The following HCK variants were observed in gnomAD, a reference collection of about 807,000 sequenced individuals.
HCK encodes HCK proto-oncogene, Src family tyrosine kinase, also known as tyrosine-protein kinase HCK.
A neutral mutation model predicts 70.4 loss-of-function variants in HCK; 40 were observed. The observed-to-expected ratio is 0.57, with a 90% confidence interval of 0.44 to 0.74. The LOEUF (loss-of-function observed/expected upper bound fraction) is 0.74, where lower values mean the gene tolerates loss of function less well. Ranked by LOEUF, HCK falls within the 30% of genes least tolerant of loss-of-function variation. HCK has a pLI of 0.00. For missense variants in HCK, 568 were observed against 697.2 expected (o/e 0.81, Z 2.09); for synonymous variants, 245 against 263.2 (o/e 0.93, Z 0.67).
At chr20:32,094,705 A>AAAGAAAG (rs1229852866) in intron 11 of HCK, among the ~76,000 whole-genome samples, 6 of 74,910 alleles carry the variant, frequency 8.0e-5, no homozygotes, top group African/African-American at 3.9e-4. Context: ...AAAAGAAAAG[A>AAAGAAAG]AAAGAAAGAA....
intron 10 of HCK, among the ~76,000 whole-genome samples, chr20:32,092,380 A>G (rs965919681): frequency 6.6e-6 from 1 of 152,220 alleles, no homozygotes; most frequent in South Asian, 2.1e-4. Flanking sequence ...TTTGTAAACC[A>G]AAAGTGCTGC....
chr20:32,052,796 G>GGTT (rs1568945704), intron 1 of HCK, among the ~76,000 whole-genome samples: 2 of 110,992 alleles, frequency 1.8e-5, no homozygotes, highest in African/African-American at 1.1e-4. Flanking sequence ...GGGGGGCGGG[G>GGTT]ATTTTTTTTT....
At chr20:32,068,005 AT>A (rs2045484599) in intron 1 of HCK, among the ~76,000 whole-genome samples, 1 of 152,288 alleles carries the variant, frequency 6.6e-6, no homozygotes, top group African/African-American at 2.4e-5. Context: ...TTTTTTAAAA[AT>A]GAAAAATAGG....
At chr20:32,094,745 GAA>G (rs1452751074) in intron 11 of HCK, among the ~76,000 whole-genome samples, 2 of 129,078 alleles carry the variant, frequency 1.5e-5, no homozygotes, top group African/African-American at 5.8e-5. Context: ...AAGAAAGAAA[GAA>G]AGAAAGAAAG....
chr20:32,088,579 G>A lies in HCK; in HGVS notation c.1027G>A (p.Asp343Asn), dbSNP rs1401997824. 1 of 1,613,524 alleles carries A rather than the reference G, an allele frequency of 6.2e-7. No individual in the cohort carries two copies. The highest frequency in any genetic ancestry group is 1.7e-5 in the Admixed American group (1 of 59,864). The change falls in exon 10 of 13, where the codon GAC (aspartate) becomes AAC (asparagine). Residue 343 changes from aspartate to asparagine, a missense_variant. Transcript: ENST00000375852. Reference sequence around the variant, plus strand: ...TCTCCCCCATATAGGAAGCTTGCTGGACTTTCTGAAAAGTGATGAGGGCAG... The same window carrying A: ...TCTCCCCCATATAGGAAGCTTGCTGAACTTTCTGAAAAGTGATGAGGGCAG...
chr20:32,074,726 G>A lies in HCK; in HGVS notation c.428+5G>A, dbSNP rs1392764430. ...TGACTCTCTGGAGACAGAGGAGTAAGTATCCTATTTCCTACCTTCCAGAAA... is the reference window on the plus strand; with the variant it reads ...TGACTCTCTGGAGACAGAGGAGTAAATATCCTATTTCCTACCTTCCAGAAA... On this transcript the variant is annotated splice_donor_5th_base_variant and intron_variant, in intron 5 of 12. Coordinates refer to ENST00000375852, the MANE Select transcript of HCK (RefSeq NM_002110.5). 1.2e-6 allele frequency: 2 copies of A among 1,603,896 alleles called. No homozygotes were observed. Among genetic ancestry groups the A allele is most frequent in the Non-Finnish European group, 1.7e-6 (2 of 1,170,806 alleles).
chr20:32,098,930 G>A (rs2045993601), intron 11 of HCK, 74 bp from the exon 12 acceptor site: 6 of 1,539,242 alleles, frequency 3.9e-6, no homozygotes, highest in East Asian at 2.3e-5. Flanking sequence ...GCCCTTGCCT[G>A]TTCCCCCACC....
chr20:32,089,360 G>A (rs948750395), intron 10 of HCK, among the ~76,000 whole-genome samples: 15 of 152,236 alleles, frequency 9.9e-5, no homozygotes, highest in African/African-American at 3.6e-4. Flanking sequence ...CAGAAGTAAA[G>A]TACAGATGTG....
intron 1 of HCK, among the ~76,000 whole-genome samples, chr20:32,057,912 G>A: frequency 6.6e-6 from 1 of 152,130 alleles, no homozygotes; most frequent in East Asian, 1.9e-4. Context: ...GTGCTTAAGT[G>A]TAAATGTGCC....
At position 32,059,191 on chromosome 20, in the gene HCK, G is replaced by A. The variant is rs562526060; in HGVS notation, c.62+6705G>A. Among the ~76,000 whole-genome samples the A allele has an allele frequency of 1.1e-4, 16 of 152,342 alleles. No individual in the cohort carries two copies. The South Asian group carries it at 3.1e-3, about 30-fold the overall frequency. On this transcript the variant is annotated intron_variant, in intron 1 of 12. Coordinates refer to ENST00000375852, the MANE Select transcript of HCK (RefSeq NM_002110.5). ...GAGGCTGAGGCCAAATGCTGGCAGA[G>A]GATATCTGGGTGGGGAAAGAGGTGG...
intron 5 of HCK, among the ~76,000 whole-genome samples, chr20:32,076,118 T>A (rs2045621019): frequency 6.6e-6 from 1 of 151,976 alleles, no homozygotes; most frequent in South Asian, 2.1e-4. Flanking sequence ...AGGTCAGGAG[T>A]TCGAGACCAG....
chr20:32,071,617 GAGGC>G, intron 1 of HCK, 41 bp from the exon 2 acceptor site: 1 of 1,603,664 alleles, frequency 6.2e-7, no homozygotes, highest in Non-Finnish European at 8.5e-7. Flanking sequence ...TTCCCCGCAT[GAGGC>G]TCTTGGTAAC....
At position 32,099,095 on chromosome 20, in the gene HCK, G is replaced by A; in HGVS notation, c.1338G>A (p.Leu446=). The A allele has an allele frequency of 6.2e-7, 1 of 1,614,142 alleles. No individual in the cohort carries two copies. Among genetic ancestry groups the A allele is most frequent in the East Asian group, 2.2e-5 (1 of 44,872 alleles). ...CAGACGTCTGGTCCTTTGGTATCCT[G>A]CTGATGGAGATCGTCACCTACGGCC... The change falls in exon 12 of 13, where the codon CTG becomes CTA. Residue 446 remains leucine, a synonymous_variant. Transcript: ENST00000375852.
chr20:32,094,790 AAAGAAAGAAAG>A (rs869041353), intron 11 of HCK, among the ~76,000 whole-genome samples: 6 of 13,690 alleles, frequency 4.4e-4, no homozygotes, highest in Non-Finnish European at 1.2e-3. Flanking sequence ...AGAGAAAGAG[AAAGAAAGAAAG>A]AAAGAAAGAA....
intron 1 of HCK, among the ~76,000 whole-genome samples, chr20:32,053,077 C>G (rs2045206166): frequency 1.3e-5 from 2 of 152,176 alleles, no homozygotes; most frequent in African/African-American, 2.4e-5. Flanking sequence ...CTCTTTCCTC[C>G]TTGGACGAAT....
chr20:32,058,701 C>T (rs1203566090), intron 1 of HCK, among the ~76,000 whole-genome samples: 4 of 151,868 alleles, frequency 2.6e-5, no homozygotes, highest in Non-Finnish European at 5.9e-5. Context: ...GAAGCAGACC[C>T]TAGGCAAGGT....
At chr20:32,098,163 T>C (rs1033465612) in intron 11 of HCK, among the ~76,000 whole-genome samples, 2 of 152,108 alleles carry the variant, frequency 1.3e-5, no homozygotes, top group African/African-American at 4.8e-5. Context: ...TTCTCCTGTC[T>C]CAGCCTGTAG....
intron 6 of HCK, among the ~76,000 whole-genome samples, chr20:32,080,267 C>T (rs1443097673): frequency 1.3e-5 from 2 of 152,060 alleles, no homozygotes; most frequent in South Asian, 2.1e-4. Flanking sequence ...GGTGCGATCT[C>T]GGCTCACTGC....
intron 10 of HCK, among the ~76,000 whole-genome samples, chr20:32,090,700 G>A (rs2045852829): frequency 6.6e-6 from 1 of 152,100 alleles, no homozygotes; most frequent in South Asian, 2.1e-4. Context: ...CTATCTGGGG[G>A]TCATGAAATC....
Sources: gnomAD v4.1 joint callset for allele counts (sites outside exome capture counted in the v4.1 genomes callset) on GRCh38, gnomAD v4.1.1 for gene constraint, MANE v1.5 for transcripts, NCBI Gene and HGNC (gene_info 2026-07-23, HGNC 2026-07-21) for gene names.